CFAP74: variants seen among roughly 807,000 people sequenced by gnomAD.
CFAP74 encodes the protein cilia- and flagella-associated protein 74.
A neutral mutation model predicts 188.9 loss-of-function variants in CFAP74; 124 were observed. The observed-to-expected ratio is 0.66, with a 90% CI of 0.57 to 0.76. CFAP74 has a LOEUF of 0.76. Ranked by LOEUF, CFAP74 falls within the 30% of genes least tolerant of loss-of-function variation. CFAP74 has a pLI of 0.00. For synonymous variants in CFAP74, 956 were observed against 916.7 expected, an observed-to-expected ratio of 1.04 and a Z score of -0.77; for missense variants, 2,198 against 2,165.2, an observed-to-expected ratio of 1.02 and a Z score of -0.30.
At chr1:1,932,079 AC>A (rs140374690) in intron 25 of CFAP74, among the ~76,000 whole-genome samples, 54,151 of 121,360 alleles carry the variant, frequency 0.45, 13,184 homozygotes, top group East Asian at 0.55. Context: ...AAAAAAAAAA[AC>A]AAAAAACAAA....
At position 1,932,066 on chromosome 1, in the gene CFAP74, C is replaced by CAA. The variant is rs1214190743; in HGVS notation, c.3012-1732_3012-1731dup. Among the ~76,000 whole-genome samples, 33 of 49,398 alleles carry CAA rather than the reference C, an allele frequency of 6.7e-4. 1 individual carries two copies. Among genetic ancestry groups the CAA allele is most frequent in the African/African-American group, 2.7e-3 (30 of 11,048 alleles). 32.4% of individuals were successfully genotyped at this position (49,398 alleles called of 152,430 possible). On this transcript the variant is annotated intron_variant, in intron 25 of 38. Transcript: ENST00000682832. ...GGGTGACAGAGTGAGACTCTCGCCT[C>CAA]AAAAAAAAAAAAACAAAAAACAAAA...
intron 12 of CFAP74, among the ~76,000 whole-genome samples, chr1:1,965,592 T>C (rs566781570): frequency 6.6e-6 from 1 of 152,274 alleles, no homozygotes; most frequent in African/African-American, 2.4e-5. Context: ...GGCTCTGGGC[T>C]GTGGGCTGTC....
rs267598251 is a variant in CFAP74 at position 1,974,180 on chromosome 1, G to A, written c.519C>T (p.Ile173=). The change falls in exon 7 of 39, where the codon ATC becomes ATT. Residue 173 remains isoleucine, a synonymous_variant. Coordinates refer to ENST00000682832, the MANE Select transcript of CFAP74 (RefSeq NM_001304360.2). ...LKESENTMWH[I]EIQEGRLEAF... Reference sequence around the variant, plus strand: ...CCTCGAGTCGCCCCTCCTGGATCTCGATGTGCCACATGGTGTTCCTTCAAA... The same window carrying A: ...CCTCGAGTCGCCCCTCCTGGATCTCAATGTGCCACATGGTGTTCCTTCAAA... The A allele has an allele frequency of 8.1e-6, 13 of 1,606,836 alleles. No homozygotes were observed. The highest frequency in any genetic ancestry group is 1.7e-5 in the Admixed American group (1 of 59,234).
intron 2 of CFAP74, among the ~76,000 whole-genome samples, chr1:1,990,668 T>C (rs1330615472): frequency 6.6e-6 from 1 of 152,170 alleles, no homozygotes; most frequent in African/African-American, 2.4e-5. Context: ...AATACTGATG[T>C]TGGAAACTAG....
At position 1,923,793 on chromosome 1, in the gene CFAP74, C is replaced by T; in HGVS notation, c.4371G>A (p.Gln1457=). The change falls in exon 35 of 39, where the codon CAG becomes CAA. Residue 1457 remains glutamine, a synonymous_variant. Coordinates refer to ENST00000682832, the MANE Select transcript of CFAP74 (RefSeq NM_001304360.2). This position sits in a 1 kb window ranked among gnomAD's most constrained non-coding sequence, Gnocchi z 6.3. ...HESLYFSDKL[Q]VVLFEKKISH... Reference sequence around the variant, plus strand: ...GCCGCACCTTTTCAAAGAGCACCACCTGGAGCTTGTCGGAGAAGTAGAGGC... The same window carrying T: ...GCCGCACCTTTTCAAAGAGCACCACTTGGAGCTTGTCGGAGAAGTAGAGGC... The T allele has an allele frequency of 6.2e-7, 1 of 1,613,468 alleles. No individual in the cohort carries two copies. The highest frequency in any genetic ancestry group is 1.3e-5 in the African/African-American group (1 of 75,014).
At chr1:1,971,191 A>G (rs1264029107) in intron 9 of CFAP74, among the ~76,000 whole-genome samples, 2 of 151,332 alleles carry the variant, frequency 1.3e-5, no homozygotes, top group Admixed American at 1.3e-4. Context: ...ACGTGCACAG[A>G]CGTGCTTACA....
Position 1,960,002 on chromosome 1 carries a change from CG to C in CFAP74, c.1722del (p.Gly575GlufsTer13), listed in dbSNP as rs1558028766. On this transcript the variant is annotated frameshift_variant, in exon 15 of 39. Transcript: ENST00000682832. LOFTEE classifies it high-confidence loss of function. Reference sequence around the variant, plus strand: ...GTGACAAGCACTTCACAGGACATTCCGGCTGACAGGGGGCCAGGGGGGTCAA... The same window carrying C: ...GTGACAAGCACTTCACAGGACATTCCGCTGACAGGGGGCCAGGGGGGTCAA... ...VDFDPPGPLSAGMSCEVLVTF... is the reference protein window; with the variant it reads ...VDFDPPGPLSXGMSCEVLVTF... 6.3e-6 allele frequency: 10 copies of C among 1,595,638 alleles called. No homozygotes were observed. Among genetic ancestry groups the C allele is most frequent in the Non-Finnish European group, 8.5e-6 (10 of 1,172,370 alleles).
intron 17 of CFAP74, among the ~76,000 whole-genome samples, 187 bp from the exon 18 acceptor site, chr1:1,956,037 C>A (rs1490749345): frequency 6.6e-6 from 1 of 152,168 alleles, no homozygotes; most frequent in African/African-American, 2.4e-5. Context: ...ACAGCAGCAG[C>A]TCACCCAGAG....
intron 25 of CFAP74, among the ~76,000 whole-genome samples, chr1:1,933,184 C>T (rs1315422448): frequency 1.4e-5 from 2 of 147,848 alleles, no homozygotes; most frequent in Admixed American, 6.7e-5. Context: ...CCGTGCCTGA[C>T]CTTTTTTTTT....
At chr1:1,936,267 C>G (rs1282295487) in intron 25 of CFAP74, among the ~76,000 whole-genome samples, 1 of 151,268 alleles carries the variant, frequency 6.6e-6, no homozygotes, top group African/African-American at 2.4e-5. Flanking sequence ...GATCTGCGGC[C>G]GGGTGCGGTG....
intron 6 of CFAP74, among the ~76,000 whole-genome samples, chr1:1,982,650 C>T (rs1212947623): frequency 1.3e-5 from 2 of 152,232 alleles, no homozygotes; most frequent in Non-Finnish European, 2.9e-5. Flanking sequence ...ATAAAGCTGA[C>T]TTAAAGGAAA....
In CFAP74 at chr1:1,990,870, T is replaced by C. The variant is rs1292442593; in HGVS notation, c.67+20A>G. 5.6e-6 allele frequency: 9 copies of C among 1,600,992 alleles called. No homozygotes were observed. The East Asian group carries it at 2.0e-4, about 36-fold the overall frequency. ...GTCTTTTTGCTGAAACTTCCGTTAC[T>C]GTGAAAGAAGCTTTATTACCATCTT... is the stretch of plus-strand genomic sequence containing the variant. On this transcript the variant is annotated intron_variant, in intron 2 of 38. Coordinates refer to ENST00000682832, the MANE Select transcript of CFAP74 (RefSeq NM_001304360.2).
chr1:1,982,116 G>A (rs1301765139), intron 6 of CFAP74, among the ~76,000 whole-genome samples: 2 of 143,606 alleles, frequency 1.4e-5, no homozygotes, highest in Non-Finnish European at 3.0e-5. Flanking sequence ...GGACAGACAC[G>A]GTGACACACA....
At chr1:1,929,122 G>A (rs2102033469) in intron 26 of CFAP74, among the ~76,000 whole-genome samples, 1 of 151,706 alleles carries the variant, frequency 6.6e-6, no homozygotes, top group East Asian at 2.0e-4. Flanking sequence ...CCTGTGATTG[G>A]AGGTGCTGAG....
chr1:1,973,891 A>G lies in CFAP74; in HGVS notation c.674+134T>C. 3.8e-6 allele frequency: 3 copies of G among 791,714 alleles called. No homozygotes were observed. The highest frequency in any genetic ancestry group is 5.6e-6 in the Non-Finnish European group (3 of 536,622). The allele number at this position is 791,714 out of a possible 1,614,324, so 49.0% of individuals were successfully genotyped here. A position where few individuals can be genotyped will look rare whatever the true frequency, so the allele number is the denominator to read the frequency against. Reference sequence around the variant, plus strand: ...CCCGGTGGAGGAGCAAGCTGGGAGGAGGCAGGGAGGGGTGGAGGTGGATCT... The same window carrying G: ...CCCGGTGGAGGAGCAAGCTGGGAGGGGGCAGGGAGGGGTGGAGGTGGATCT... On this transcript the variant is annotated intron_variant, in intron 7 of 38. Coordinates refer to ENST00000682832, the MANE Select transcript of CFAP74 (RefSeq NM_001304360.2). The surrounding 1 kb of genome is among the most constrained non-coding windows in gnomAD (Gnocchi z 6.2).
At chr1:1,927,545 A>T in intron 28 of CFAP74, 62 bp downstream of exon 28, 1 of 1,477,484 alleles carries the variant, frequency 6.8e-7, no homozygotes. Flanking sequence ...TACAGGGGCC[A>T]CAGTGGGTCC....
In CFAP74 at chr1:1,973,352, G is replaced by A. The variant is rs117580501; in HGVS notation, c.675-305C>T. Among the ~76,000 whole-genome samples the A allele has an allele frequency of 0.011, 1,713 of 152,304 alleles. 27 individuals are homozygous for A. Among genetic ancestry groups the A allele is most frequent in the African/African-American group, 0.036 (1,498 of 41,560 alleles). On this transcript the variant is annotated intron_variant, in intron 7 of 38. Coordinates refer to ENST00000682832, the MANE Select transcript of CFAP74 (RefSeq NM_001304360.2). The surrounding 1 kb of genome is among the most constrained non-coding windows in gnomAD (Gnocchi z 6.2). ...TGCAGGCACAGCAGTGCTGTGGGGAGGGAGGAGGCAGGGGCTGGGGACCTT... is the reference window on the plus strand; with the variant it reads ...TGCAGGCACAGCAGTGCTGTGGGGAAGGAGGAGGCAGGGGCTGGGGACCTT...
At chr1:1,972,712 G>C (rs1355290893) in intron 8 of CFAP74, among the ~76,000 whole-genome samples, 1 of 152,224 alleles carries the variant, frequency 6.6e-6, no homozygotes, top group African/African-American at 2.4e-5. Context: ...CGGGCATGGT[G>C]GCGCGTGCCT....
chr1:1,945,814 C>T (rs551483080), intron 20 of CFAP74, among the ~76,000 whole-genome samples: 2 of 143,010 alleles, frequency 1.4e-5, no homozygotes, highest in East Asian at 2.1e-4. Flanking sequence ...GGTGACAGAA[C>T]GAGACCCTAA....
Sources: allele counts gnomAD v4.1 joint callset (sites outside exome capture counted in the v4.1 genomes callset), GRCh38; gene constraint gnomAD v4.1.1; non-coding constraint Gnocchi (gnomAD v3.1); transcripts MANE v1.5; gene names NCBI Gene and HGNC (gene_info 2026-07-23, HGNC 2026-07-21).